Variants in CFAP46 observed in about 807,000 individuals in gnomAD.
The protein encoded by CFAP46 is cilia- and flagella-associated protein 46.
A neutral mutation model predicts 325.7 loss-of-function variants in CFAP46; 245 were observed. The observed-to-expected ratio is 0.75, with a 90% CI of 0.68 to 0.84. The LOEUF is 0.84. CFAP46 is among the 40% of genes least tolerant of loss of function. The pLI is 0.00. For synonymous variants in CFAP46, 1,523 were observed against 1,495.9 expected (o/e 1.02, Z -0.42); for missense variants, 3,346 against 3,543.0 (o/e 0.94, Z 1.41).
rs529203802 is a variant in CFAP46, at chr10:132,870,274, T to C, written c.4512-902A>G. On this transcript the variant is annotated intron_variant, in intron 32 of 57. Transcript: ENST00000368586. ...CTCTCCCTCCCCTTGGGCCTCCCTA[T>C]TCCCCAAGACACAGAAATTTTGAAA... Among the ~76,000 whole-genome samples the C allele has an allele frequency of 3.9e-5, 6 of 152,248 alleles. No individual in the cohort carries two copies. In the East Asian group the frequency reaches 1.2e-3, roughly 29 times the overall value.
intron 24 of CFAP46, 93 bp downstream of exon 24, chr10:132,898,866 G>A (rs1167225681): frequency 6.1e-6 from 9 of 1,468,202 alleles, no homozygotes; most frequent in Non-Finnish European, 8.4e-6. Flanking sequence ...GGCCTGTGGG[G>A]TCTGTCTTTC....
In CFAP46 at chr10:132,902,306, C is replaced by T. The variant is rs115828182; in HGVS notation, c.2925-2640G>A. On this transcript the variant is annotated intron_variant, in intron 22 of 57. Coordinates refer to ENST00000368586, the MANE Select transcript of CFAP46 (RefSeq NM_001200049.3). ...GCTCTGTGGCCCCACGGGTCACAGA[C>T]GGGAAGCTCTGTTCATTTAGTTTCT... Among the ~76,000 whole-genome samples the T allele has an allele frequency of 5.3e-3, 810 of 152,154 alleles. 6 individuals carry two copies. Among genetic ancestry groups the T allele is most frequent in the African/African-American group, 0.018 (743 of 41,568 alleles).
In CFAP46 at chr10:132,913,215, G is replaced by A; in HGVS notation, c.2164C>T (p.Leu722=). 1 of 1,550,480 alleles carries A rather than the reference G, an allele frequency of 6.4e-7. No individual in the cohort carries two copies. The highest frequency in any genetic ancestry group is 8.7e-7 in the Non-Finnish European group (1 of 1,146,992). ...SLSRCAMNNW[L]RSAEIGQEIQ... ...TCCTGTCCGATCTCTGCGGAGCGCA[G>A]CCAGTTATTCATGGCACACCGGGAC... Residue 722 remains leucine (L), a synonymous_variant, in exon 18 of 58, where the codon CTG becomes TTG. Transcript: ENST00000368586.
In CFAP46 at chr10:132,919,714, G is replaced by A. The variant is rs1349230692; in HGVS notation, c.1731-272C>T. ...GCCACACAATCCACTCCCCGGGGGA[G>A]TGCACGGGACAGGCCTCCCGGGGAT... On this transcript the variant is annotated intron_variant, in intron 14 of 57. Transcript: ENST00000368586. This position sits in a 1 kb window ranked among gnomAD's most constrained non-coding sequence, Gnocchi z 9.7. Among the ~76,000 whole-genome samples the A allele has an allele frequency of 6.6e-6, 1 of 152,048 alleles. No individual in the cohort carries two copies. The highest frequency in any genetic ancestry group is 2.4e-5 in the African/African-American group (1 of 41,410).
chr10:132,835,076 G>A (rs1848217731), intron 47 of CFAP46, among the ~76,000 whole-genome samples: 2 of 152,254 alleles, frequency 1.3e-5, no homozygotes, highest in African/African-American at 2.4e-5. Flanking sequence ...GGCCCCTCCT[G>A]TTTGTGCTTC....
intron 31 of CFAP46, 58 bp from the exon 32 acceptor site, chr10:132,872,882 TA>T: frequency 6.5e-7 from 1 of 1,539,346 alleles, no homozygotes; most frequent in Non-Finnish European, 8.8e-7. Flanking sequence ...ACCACAAGCA[TA>T]AGGGTCTTTC....
chr10:132,840,038 C>A (rs1848324381), intron 44 of CFAP46, among the ~76,000 whole-genome samples: 1 of 152,124 alleles, frequency 6.6e-6, no homozygotes, highest in South Asian at 2.1e-4. Context: ...TATGAGTTTT[C>A]AGAGGTTATT....
chr10:132,912,690 C>G lies in CFAP46; in HGVS notation c.2464G>C (p.Ala822Pro). 3 of 1,549,662 alleles carry G rather than the reference C, an allele frequency of 1.9e-6. No homozygotes were observed. The highest frequency in any genetic ancestry group is 2.6e-6 in the Non-Finnish European group (3 of 1,146,834). Residue 822 changes from alanine to proline, a missense_variant, in exon 19 of 58, where the codon GCA becomes CCA. Physicochemically the swap from Ala to Pro is conservative, Grantham distance 27. Coordinates refer to ENST00000368586, the MANE Select transcript of CFAP46 (RefSeq NM_001200049.3). ...RPNAFHSPLD[A>P]GATSEIKTAV... ...GTTTTGATCTCGGAAGTGGCTCCTG[C>G]GTCCAGTGGGCTGTGAAACGCGTTT...
chr10:132,860,696 A>G, intron 36 of CFAP46, 86 bp downstream of exon 36: 1 of 1,427,528 alleles, frequency 7.0e-7, no homozygotes. Flanking sequence ...GCGGTCTGCC[A>G]GGCAGAGCCC....
intron 13 of CFAP46, among the ~76,000 whole-genome samples, chr10:132,921,674 A>C (rs1384615851): frequency 2.0e-5 from 3 of 152,198 alleles, no homozygotes; most frequent in African/African-American, 7.2e-5. Context: ...CCCTAGTCCA[A>C]TCTGACTGGT....
At position 132,877,096 on chromosome 10, in the gene CFAP46, C is replaced by T; in HGVS notation, c.4213-135G>A. On this transcript the variant is annotated intron_variant, in intron 30 of 57. Transcript: ENST00000368586. The surrounding 1 kb of genome is among the most constrained non-coding windows in gnomAD (Gnocchi z 5.7). ...CGGCATCCTCCCCACCACCAGGTCCCAGCGAGTGCCCAGATCCAGCCTCTG... is the reference window on the plus strand; with the variant it reads ...CGGCATCCTCCCCACCACCAGGTCCTAGCGAGTGCCCAGATCCAGCCTCTG... 1.2e-6 allele frequency: 1 copy of T among 809,330 alleles called. No homozygotes were observed. The highest frequency in any genetic ancestry group is 1.9e-6 in the Non-Finnish European group (1 of 516,320). 50.1% of individuals were successfully genotyped at this position (809,330 alleles called of 1,614,324 possible).
In CFAP46 at chr10:132,857,869, G is replaced by A. The variant is rs568934053; in HGVS notation, c.5376-81C>T. 7 of 1,205,316 alleles carry A rather than the reference G, an allele frequency of 5.8e-6. No homozygotes were observed. The East Asian group carries it at 7.7e-5, about 13-fold the overall frequency. 74.7% of individuals were successfully genotyped at this position (1,205,316 alleles called of 1,614,324 possible). A position where few individuals can be genotyped will look rare whatever the true frequency, so the allele number is the denominator to read the frequency against. On this transcript the variant is annotated intron_variant, in intron 38 of 57. Transcript: ENST00000368586. ...TTAATATGTCATTTTCTATCATACTGTATATTTTATTAGTGCTTAAAATGA... is the reference window on the plus strand; with the variant it reads ...TTAATATGTCATTTTCTATCATACTATATATTTTATTAGTGCTTAAAATGA...
At chr10:132,855,152 A>G (rs1848622089) in intron 39 of CFAP46, among the ~76,000 whole-genome samples, 1 of 106,788 alleles carries the variant, frequency 9.4e-6, no homozygotes, top group African/African-American at 4.7e-5. Context: ...AGAGTTGTCT[A>G]TTTCTCCGTT....
Position 132,850,264 on chromosome 10 carries a change from A to G in CFAP46, c.5932T>C (p.Tyr1978His). 2 of 1,550,802 alleles carry G rather than the reference A, an allele frequency of 1.3e-6. No individual in the cohort carries two copies. Among genetic ancestry groups the G allele is most frequent in the Non-Finnish European group, 1.7e-6 (2 of 1,146,920 alleles). ...MQADPVHPTC[Y>H]WEAGPSVGAK... ...CCTACCGAGGGGCCCGCCTCCCAGT[A>G]GCAGGTAGGGTGCACAGGGTCAGCT... Residue 1978 changes from tyrosine (Y) to histidine (H), a missense_variant, in exon 41 of 58, where the codon TAC (tyrosine) becomes CAC (histidine). Coordinates refer to ENST00000368586, the MANE Select transcript of CFAP46 (RefSeq NM_001200049.3).
At chr10:132,824,005 T>G (rs1591036489) in intron 50 of CFAP46, among the ~76,000 whole-genome samples, 1 of 61,620 alleles carries the variant, frequency 1.6e-5, no homozygotes, top group African/African-American at 1.2e-4. Flanking sequence ...GTTTGTGCTG[T>G]GTGTGTGCTG....
chr10:132,918,456 C>T lies in CFAP46; in HGVS notation c.1923G>A (p.Leu641=), dbSNP rs971722515. 2 of 1,548,998 alleles carry T rather than the reference C, an allele frequency of 1.3e-6. No homozygotes were observed. Among genetic ancestry groups the T allele is most frequent in the African/African-American group, 2.7e-5 (2 of 73,010 alleles). Residue 641 remains leucine (L), a synonymous_variant, in exon 16 of 58, where the codon CTG becomes CTA. Transcript: ENST00000368586. Reference sequence around the variant, plus strand: ...GCAGGTCGGGGCACACCTGCCTCTGCAGGACGACCTCAGGCTGGCTCCAGG... The same window carrying T: ...GCAGGTCGGGGCACACCTGCCTCTGTAGGACGACCTCAGGCTGGCTCCAGG... ...QDTWSQPEVV[L]QRQVCPDLLR...
chr10:132,908,042 C>G (rs952263103), intron 22 of CFAP46, among the ~76,000 whole-genome samples: 1 of 152,258 alleles, frequency 6.6e-6, no homozygotes, highest in Admixed American at 6.5e-5. Flanking sequence ...ACAATGCACA[C>G]GCGGCCAGCA....
chr10:132,860,853 A>G lies in CFAP46; in HGVS notation c.5020T>C (p.Phe1674Leu), dbSNP rs902287318. ...AGGGTCAGAGTGGAATTGTACCAGA[A>G]CTCCTCACTTCCGCCCAGGTGCTGG... ...QAQHLGGSEE[F>L]WYNSTLTLAE... The change falls in exon 36 of 58, where the codon TTC (phenylalanine) becomes CTC (leucine). Residue 1674 changes from phenylalanine (F) to leucine (L), a missense_variant. Transcript: ENST00000368586. The G allele has an allele frequency of 7.7e-6, 12 of 1,550,446 alleles. 1 individual carries two copies. In the East Asian group the frequency reaches 2.4e-4, roughly 32 times the overall value.
Position 132,821,981 on chromosome 10 carries a change from CTG to C in CFAP46, c.7118-7069_7118-7068del, listed in dbSNP as rs1380431686. Reference sequence around the variant, plus strand: ...TGTGCTGTGTGTGCGCTGATGTGTGCTGTGTGTGCGCTTGTGTGTGCTGTGTG... The same window carrying C: ...TGTGCTGTGTGTGCGCTGATGTGTGCTGTGTGCGCTTGTGTGTGCTGTGTG... On this transcript the variant is annotated intron_variant, in intron 50 of 57. Transcript: ENST00000368586. Among the ~76,000 whole-genome samples the C allele has an allele frequency of 6.4e-4, 74 of 115,778 alleles. No homozygotes were observed. The South Asian group carries it at 0.012, about 18-fold the overall frequency. 76.0% of individuals were successfully genotyped at this position (115,778 alleles called of 152,430 possible). A position where few individuals can be genotyped will look rare whatever the true frequency, so the allele number is the denominator to read the frequency against.
Sources: gnomAD v4.1 joint callset for allele counts (sites outside exome capture counted in the v4.1 genomes callset) on GRCh38, gnomAD v4.1.1 for gene constraint, Gnocchi (gnomAD v3.1) non-coding constraint, MANE v1.5 for transcripts, NCBI Gene and HGNC (gene_info 2026-07-23, HGNC 2026-07-21) for gene names.